Variants in BTBD9 observed in about 807,000 individuals in gnomAD.
BTBD9 encodes the protein BTB/POZ domain-containing protein 9.
In BTBD9, 49 loss-of-function variants were observed where a neutral mutation model predicts 64.3. The ratio of observed to expected loss-of-function variants is 0.76; its 90% CI spans 0.61 to 0.97. The LOEUF (loss-of-function observed/expected upper bound fraction) is 0.97, where lower values mean the gene tolerates loss of function less well. Among genes scored for constraint, BTBD9 ranks in the 50% least tolerant of loss-of-function variants. The pLI, the probability that BTBD9 is intolerant of heterozygous loss-of-function variation, is 0.00. For synonymous variants in BTBD9, 260 were observed against 274.7 expected (o/e 0.95, Z 0.53); for missense variants, 598 against 762.1 (o/e 0.78, Z 2.53).
intron 6 of BTBD9, among the ~76,000 whole-genome samples, chr6:38,362,567 A>G (rs9369053): frequency 0.057 from 8,711 of 152,318 alleles, 719 homozygotes; most frequent in East Asian, 0.34. Flanking sequence ...CCCAAAGAAC[A>G]AATAATTTTC....
intron 6 of BTBD9, among the ~76,000 whole-genome samples, chr6:38,422,573 C>T (rs542802333): frequency 6.6e-6 from 1 of 152,010 alleles, no homozygotes; most frequent in South Asian, 2.1e-4. Flanking sequence ...GGATAAGAAC[C>T]AATGTTCTAA....
chr6:38,270,488 TC>T (rs1561952585), intron 8 of BTBD9, among the ~76,000 whole-genome samples: 1 of 152,208 alleles, frequency 6.6e-6, no homozygotes, highest in South Asian at 2.1e-4. Context: ...TGGCACTGAA[TC>T]CCCAAGAGCC....
In BTBD9 at chr6:38,171,577, T is replaced by C. The variant is rs1581985507; in HGVS notation, c.*3408A>G. The C allele has an allele frequency of 8.9e-6, 1 of 112,578 alleles. No individual in the cohort carries two copies. Among genetic ancestry groups the C allele is most frequent in the East Asian group, 2.1e-4 (1 of 4,772 alleles). The allele number at this position is 112,578 out of a possible 1,614,324, so 7.0% of individuals were successfully genotyped here. On this transcript the variant is annotated 3_prime_UTR_variant, in exon 11 of 11. Coordinates refer to ENST00000481247, the MANE Select transcript of BTBD9 (RefSeq NM_001099272.2). Reference sequence around the variant, plus strand: ...ACGGGTGTGTGTGTGTGTGTGTGTGTGTGTGTGTGTGTGTGTGTGTGTGTG... The same window carrying C: ...ACGGGTGTGTGTGTGTGTGTGTGTGCGTGTGTGTGTGTGTGTGTGTGTGTG...
chr6:38,350,739 A>C (rs1764468735), intron 6 of BTBD9, among the ~76,000 whole-genome samples: 1 of 152,240 alleles, frequency 6.6e-6, no homozygotes, highest in African/African-American at 2.4e-5. Context: ...GTAACCATAG[A>C]GGACTCTGCG....
chr6:38,500,337 A>T (rs888701790), intron 6 of BTBD9, among the ~76,000 whole-genome samples: 3 of 152,138 alleles, frequency 2.0e-5, no homozygotes, highest in Non-Finnish European at 2.9e-5. Context: ...ACTGGTAATA[A>T]ACCCTCCCCA....
intron 9 of BTBD9, among the ~76,000 whole-genome samples, chr6:38,222,621 G>A (rs890951427): frequency 5.3e-5 from 8 of 152,092 alleles, no homozygotes; most frequent in African/African-American, 1.9e-4. Flanking sequence ...GGGCACCAGG[G>A]ATGGTAAAGC....
Position 38,174,874 on chromosome 6 carries a change from C to T in BTBD9, c.*111G>A. 2 of 1,328,544 alleles carry T rather than the reference C, an allele frequency of 1.5e-6. No homozygotes were observed. Among genetic ancestry groups the T allele is most frequent in the Non-Finnish European group, 2.1e-6 (2 of 965,668 alleles). 82.3% of individuals were successfully genotyped at this position (1,328,544 alleles called of 1,614,324 possible). A position where few individuals can be genotyped will look rare whatever the true frequency, so the allele number is the denominator to read the frequency against. On this transcript the variant is annotated 3_prime_UTR_variant, in exon 11 of 11. Transcript: ENST00000481247. ...TGCTTTTGCAGCTAGGTCGGCTCCTCCCTGGAAAGGGGCAGAGGTGGGGGC... is the reference window on the plus strand; with the variant it reads ...TGCTTTTGCAGCTAGGTCGGCTCCTTCCTGGAAAGGGGCAGAGGTGGGGGC...
intron 8 of BTBD9, among the ~76,000 whole-genome samples, chr6:38,281,079 A>G (rs1368638085): frequency 6.6e-6 from 1 of 152,206 alleles, no homozygotes; most frequent in African/African-American, 2.4e-5. Flanking sequence ...ACAAAACATT[A>G]TTTGAGTCAT....
intron 6 of BTBD9, among the ~76,000 whole-genome samples, chr6:38,400,707 A>G (rs547303550): frequency 6.6e-6 from 1 of 152,318 alleles, no homozygotes; most frequent in East Asian, 1.9e-4. Context: ...AAGGTAGTTT[A>G]GTCTCTCTCA....
At chr6:38,607,852 T>C (rs967490412) in intron 1 of BTBD9, among the ~76,000 whole-genome samples, 3 of 151,884 alleles carry the variant, frequency 2.0e-5, no homozygotes, top group Admixed American at 6.6e-5. Context: ...GGATTCAATC[T>C]CTTATTAAAA....
chr6:38,404,497 C>A (rs147801273), intron 6 of BTBD9, among the ~76,000 whole-genome samples: 1 of 152,162 alleles, frequency 6.6e-6, no homozygotes, highest in African/African-American at 2.4e-5. Flanking sequence ...ACAGCTAGGA[C>A]AATAGAAGAA....
At chr6:38,229,734 T>C (rs1763531555) in intron 9 of BTBD9, among the ~76,000 whole-genome samples, 1 of 152,254 alleles carries the variant, frequency 6.6e-6, no homozygotes. Context: ...CCTGTACTTG[T>C]AGAATTGATT....
chr6:38,227,419 C>T (rs1763435573), intron 9 of BTBD9, among the ~76,000 whole-genome samples: 1 of 152,132 alleles, frequency 6.6e-6, no homozygotes, highest in Non-Finnish European at 1.5e-5. Flanking sequence ...ATGAACCTCT[C>T]AAAAATAGGA....
chr6:38,206,523 G>A (rs894070399), intron 9 of BTBD9, among the ~76,000 whole-genome samples: 1 of 151,942 alleles, frequency 6.6e-6, no homozygotes, highest in African/African-American at 2.4e-5. Flanking sequence ...TTACAGGCAT[G>A]AGACACTGCA....
Position 38,276,638 on chromosome 6 carries a change from G to A in BTBD9, c.1454+11634C>T, listed in dbSNP as rs191036488. On this transcript the variant is annotated intron_variant, in intron 8 of 10. Transcript: ENST00000481247. ...CTGTACTTCTTGTTTCAAATGTCCC[G>A]AAAGTCAGGAATACTCATTATACTC... is the stretch of plus-strand genomic sequence containing the variant. 1.6e-3 allele frequency among the ~76,000 whole-genome samples: 237 copies of A among 152,078 alleles called. 1 individual carries two copies. The highest frequency in any genetic ancestry group is 5.4e-3 in the African/African-American group (224 of 41,502).
chr6:38,447,105 T>C (rs1465195818), intron 6 of BTBD9, among the ~76,000 whole-genome samples: 1 of 152,230 alleles, frequency 6.6e-6, no homozygotes, highest in East Asian at 1.9e-4. Context: ...CAAAGAGTAC[T>C]TGACCACAGT....
chr6:38,325,345 C>T (rs1463317520), intron 7 of BTBD9, among the ~76,000 whole-genome samples: 2 of 152,126 alleles, frequency 1.3e-5, no homozygotes, highest in African/African-American at 4.8e-5. Flanking sequence ...CTAAGGATGG[C>T]ATATACGATT....
At chr6:38,280,834 C>T (rs1389542745) in intron 8 of BTBD9, among the ~76,000 whole-genome samples, 2 of 152,128 alleles carry the variant, frequency 1.3e-5, no homozygotes, top group Non-Finnish European at 2.9e-5. Context: ...ATATGATGTC[C>T]AATTTAGTTG....
At chr6:38,390,835 G>A (rs1373379853) in intron 6 of BTBD9, among the ~76,000 whole-genome samples, 1 of 151,964 alleles carries the variant, frequency 6.6e-6, no homozygotes, top group African/African-American at 2.4e-5. Context: ...CTACATTTTG[G>A]TGTTATAGAA....
Sources: allele counts gnomAD v4.1 joint callset (sites outside exome capture counted in the v4.1 genomes callset), GRCh38; gene constraint gnomAD v4.1.1; transcripts MANE v1.5; gene names NCBI Gene and HGNC (gene_info 2026-07-23, HGNC 2026-07-21).